Variants in ZNF208 observed in about 807,000 individuals in gnomAD.
ZNF208 encodes zinc finger protein 95.
Under a neutral mutation model 12.1 loss-of-function variants are expected in ZNF208, and 10 were observed. That is an observed-to-expected ratio of 0.83 (90% CI 0.51 to 1.40). The LOEUF is 1.40. Ranked by LOEUF, ZNF208 falls within the 40% of genes most tolerant of loss-of-function variation. The probability of loss-of-function intolerance (pLI) is 0.00; values close to 1 mark genes in which losing one functional copy is unlikely to be tolerated. For synonymous variants in ZNF208, 497 were observed against 488.4 expected, an observed-to-expected ratio of 1.02 and a Z score of -0.23; for missense variants, 1,652 against 1,485.0, an observed-to-expected ratio of 1.11 and a Z score of -1.85.
chr19:21,946,022 C>A (rs1311401899), intron 4 of ZNF208, among the ~76,000 whole-genome samples: 2 of 152,198 alleles, frequency 1.3e-5, no homozygotes, highest in Non-Finnish European at 2.9e-5. Flanking sequence ...AAAATTTGCA[C>A]ACACCTCTGG....
intron 3 of ZNF208, among the ~76,000 whole-genome samples, chr19:21,979,038 A>C (rs1308702658): frequency 1.3e-5 from 2 of 152,216 alleles, no homozygotes; most frequent in Admixed American, 1.3e-4. Flanking sequence ...AAAAAGAATA[A>C]AAAGAAATGA....
downstream of ZNF208, among the ~76,000 whole-genome samples, chr19:21,963,135 CAAT>C (rs1970105759): frequency 1.3e-5 from 2 of 152,032 alleles, no homozygotes; most frequent in Non-Finnish European, 2.9e-5. Context: ...CTTACTTTAA[CAAT>C]GATGATGAAG....
rs1970367730 is a variant in ZNF208, at chr19:21,973,918, T to C, written c.1116A>G (p.Glu372=). ...GCCACTTATAGGCTTTGCCGCATTC[T>C]TCACATTTGTAGGGTTTCTCTCCAG... ...IHTGEKPYKC[E]ECGKAYKWPS... is the part of the protein sequence containing the mutation. Residue 372 remains glutamate, a synonymous_variant, in exon 4 of 4, where the codon GAA becomes GAG. Coordinates refer to ENST00000397126, the MANE Select transcript of ZNF208 (RefSeq NM_007153.3). 2 of 1,613,688 alleles carry C rather than the reference T, an allele frequency of 1.2e-6. No individual in the cohort carries two copies. Among genetic ancestry groups the C allele is most frequent in the East Asian group, 4.5e-5 (2 of 44,860 alleles).
chr19:22,001,240 G>A (rs2106870), intron 1 of ZNF208, among the ~76,000 whole-genome samples: 89,229 of 151,976 alleles, frequency 0.59, 26,457 homozygotes, highest in East Asian at 0.69. Flanking sequence ...AGCCGAGATC[G>A]AGCCATTGCA....
intron 3 of ZNF208, among the ~76,000 whole-genome samples, chr19:21,982,852 C>G (rs113092876): frequency 0.58 from 88,788 of 151,966 alleles, 26,195 homozygotes; most frequent in East Asian, 0.69. Flanking sequence ...AAACCTTATA[C>G]AAAAATTAAC....
chr19:21,979,563 G>A (rs1360904331), intron 3 of ZNF208, among the ~76,000 whole-genome samples: 1 of 152,122 alleles, frequency 6.6e-6, no homozygotes, highest in African/African-American at 2.4e-5. Flanking sequence ...TGCCTTACAA[G>A]AGCTCCTGAA....
rs939134420 is a variant in ZNF208, at chr19:21,966,523, T to A, written c.*4668A>T. On this transcript the variant is annotated 3_prime_UTR_variant, in exon 4 of 4. Coordinates refer to ENST00000397126, the MANE Select transcript of ZNF208 (RefSeq NM_007153.3). ...CAATAAAAGATTCATGGGTAACTGGTTAAATTCTGTTTTTGCTATTGTGAA... is the reference window on the plus strand; with the variant it reads ...CAATAAAAGATTCATGGGTAACTGGATAAATTCTGTTTTTGCTATTGTGAA... 1.3e-5 allele frequency: 2 copies of A among 152,136 alleles called. No homozygotes were observed. Among genetic ancestry groups the A allele is most frequent in the Non-Finnish European group, 2.9e-5 (2 of 68,002 alleles). 9.4% of individuals were successfully genotyped at this position (152,136 alleles called of 1,614,324 possible). A position where few individuals can be genotyped will look rare whatever the true frequency, so the allele number is the denominator to read the frequency against.
In ZNF208 at chr19:21,969,236, T is replaced by TG. The variant is rs546123021; in HGVS notation, c.*1954dup. 2.5e-3 allele frequency among the ~76,000 whole-genome samples: 386 copies of TG among 152,100 alleles called. 1 individual carries two copies. The highest frequency in any genetic ancestry group is 9.0e-3 in the African/African-American group (373 of 41,494). ...CTGACCTCAGGTGATCTGCCCACCT[T>TG]GGCATCACAAAGTATTGGCCACAGT... On this transcript the variant is annotated 3_prime_UTR_variant, in exon 4 of 4. Coordinates refer to ENST00000397126, the MANE Select transcript of ZNF208 (RefSeq NM_007153.3).
At chr19:21,992,818 A>T (rs1970764817) in intron 1 of ZNF208, among the ~76,000 whole-genome samples, 1 of 152,240 alleles carries the variant, frequency 6.6e-6, no homozygotes, top group African/African-American at 2.4e-5. Flanking sequence ...AGTTAAGACA[A>T]ACTCATTAGG....
chr19:22,003,884 A>G (rs1358113570), intron 1 of ZNF208, among the ~76,000 whole-genome samples: 1 of 152,132 alleles, frequency 6.6e-6, no homozygotes, highest in Non-Finnish European at 1.5e-5. Flanking sequence ...AAGAAAATAT[A>G]GTATGGTTGG....
chr19:21,994,111 A>G (rs1403312633), intron 1 of ZNF208, among the ~76,000 whole-genome samples: 5 of 152,252 alleles, frequency 3.3e-5, no homozygotes, highest in East Asian at 1.9e-4. Context: ...AAAGCTAAAT[A>G]TAGACAGATG....
intron 4 of ZNF208, chr19:21,940,372 AG>A (rs1243123273): frequency 2.0e-5 from 3 of 152,184 alleles, no homozygotes; most frequent in Non-Finnish European, 2.9e-5. Context: ...CACTATTAAA[AG>A]TTTGATGTTA....
chr19:21,991,673 G>C (rs1319159263), intron 1 of ZNF208: 1 of 150,386 alleles, frequency 6.6e-6, no homozygotes, highest in Non-Finnish European at 1.5e-5. Context: ...CCGCGAGGCA[G>C]AGGTTGCGGT....
At chr19:21,988,455 T>C (rs1348719426) in intron 2 of ZNF208, among the ~76,000 whole-genome samples, 1 of 152,108 alleles carries the variant, frequency 6.6e-6, no homozygotes, top group Non-Finnish European at 1.5e-5. Context: ...AGTCACTCCC[T>C]GGTGCCATGC....
intron 1 of ZNF208, among the ~76,000 whole-genome samples, chr19:22,000,411 G>T (rs1970924362): frequency 6.6e-6 from 1 of 151,936 alleles, no homozygotes; most frequent in Admixed American, 6.6e-5. Flanking sequence ...AAAACAACTG[G>T]AAACTATACA....
chr19:22,009,799 T>C (rs1357265975), intron 1 of ZNF208, among the ~76,000 whole-genome samples: 3 of 150,050 alleles, frequency 2.0e-5, no homozygotes, highest in Non-Finnish European at 4.4e-5. Context: ...AATTACTACA[T>C]TGGGGGAAAA....
Position 21,971,109 on chromosome 19 carries a change from A to G in ZNF208, c.*82T>C. On this transcript the variant is annotated 3_prime_UTR_variant, in exon 4 of 4. Coordinates refer to ENST00000397126, the MANE Select transcript of ZNF208 (RefSeq NM_007153.3). Reference sequence around the variant, plus strand: ...GCCTCACCACATTCTTCACATTTGTAGGGTTTCTCTCCAGTATGAATTTTC... The same window carrying G: ...GCCTCACCACATTCTTCACATTTGTGGGGTTTCTCTCCAGTATGAATTTTC... 1 of 1,613,208 alleles carries G rather than the reference A, an allele frequency of 6.2e-7. No individual in the cohort carries two copies. The highest frequency in any genetic ancestry group is 2.2e-5 in the East Asian group (1 of 44,820).
Position 21,974,611 on chromosome 19 carries a change from C to T in ZNF208, c.423G>A (p.Gln141=), listed in dbSNP as rs1970391453. 6.2e-7 allele frequency: 1 copy of T among 1,613,538 alleles called. No individual in the cohort carries two copies. The highest frequency in any genetic ancestry group is 8.5e-7 in the Non-Finnish European group (1 of 1,179,720). The change falls in exon 4 of 4, where the codon CAG becomes CAA. Residue 141 remains glutamine (Q), a synonymous_variant. Coordinates refer to ENST00000397126, the MANE Select transcript of ZNF208 (RefSeq NM_007153.3). ...ATTTGCCACGTTGAAATACTTTGCT[C>T]TGTGTAGTTGTCAAACTCTGGTTAA... ...NKLNQSLTTT[Q]SKVFQRGKYA... is the part of the protein sequence containing the mutation.
rs1970224789 is a variant in ZNF208, at chr19:21,969,014, C to T, written c.*2177G>A. On this transcript the variant is annotated 3_prime_UTR_variant, in exon 4 of 4. Coordinates refer to ENST00000397126, the MANE Select transcript of ZNF208 (RefSeq NM_007153.3). ...CCTGGCTAATATGGTGAAACCCCATCTGTACTAAAAATACAAAAAATTAGC... is the reference window on the plus strand; with the variant it reads ...CCTGGCTAATATGGTGAAACCCCATTTGTACTAAAAATACAAAAAATTAGC... 1.3e-5 allele frequency among the ~76,000 whole-genome samples: 2 copies of T among 152,258 alleles called. No individual in the cohort carries two copies. The highest frequency in any genetic ancestry group is 4.2e-4 in the South Asian group (2 of 4,816).
Sources: gnomAD v4.1 joint callset for allele counts (sites outside exome capture counted in the v4.1 genomes callset) on GRCh38, gnomAD v4.1.1 for gene constraint, MANE v1.5 for transcripts, NCBI Gene and HGNC (gene_info 2026-07-23, HGNC 2026-07-21) for gene names.